The following QSER1 variants were observed in gnomAD, a reference collection of about 807,000 sequenced individuals.
QSER1 encodes glutamine and serine-rich protein 1.
A neutral mutation model predicts 158.5 loss-of-function variants in QSER1; 49 were observed. The observed-to-expected ratio is 0.31, with a 90% CI of 0.25 to 0.39. The LOEUF (loss-of-function observed/expected upper bound fraction) is 0.39, where lower values mean the gene tolerates loss of function less well. QSER1 is among the 10% of genes least tolerant of loss of function. The pLI, the probability that QSER1 is intolerant of heterozygous loss-of-function variation, is 1.00. For synonymous variants in QSER1, 650 were observed against 715.5 expected, an observed-to-expected ratio of 0.91 and a Z score of 1.46; for missense variants, 1,754 against 2,010.3, an observed-to-expected ratio of 0.87 and a Z score of 2.44.
chr11:32,967,170 T>C (rs937679650), intron 9 of QSER1, among the ~76,000 whole-genome samples: 9 of 152,126 alleles, frequency 5.9e-5, no homozygotes, highest in African/African-American at 2.2e-4. Context: ...AAATAATGTC[T>C]TTTGCAGCAA....
At chr11:32,955,921 GAACA>G (rs1321825882) in intron 6 of QSER1, 63 bp from the exon 7 acceptor site, 43 of 1,454,054 alleles carry the variant, frequency 3.0e-5, no homozygotes, top group Admixed American at 8.5e-5. Flanking sequence ...ATAGTCAATT[GAACA>G]AACAAAGTAG....
Position 32,934,912 on chromosome 11 carries a change from T to C in QSER1, c.3654T>C (p.Asn1218=). 6.2e-7 allele frequency: 1 copy of C among 1,613,646 alleles called. No homozygotes were observed. The highest frequency in any genetic ancestry group is 8.5e-7 in the Non-Finnish European group (1 of 1,179,938). The change falls in exon 4 of 13, where the codon AAT becomes AAC. Residue 1218 remains asparagine, a synonymous_variant. Coordinates refer to ENST00000650167, the MANE Select transcript of QSER1 (RefSeq NM_001076786.3). ...AAGTTAAAGAGGAAGACAACAGTAATCAGAAACAGCTGAAAAGACCTGCCC... is the reference window on the plus strand; with the variant it reads ...AAGTTAAAGAGGAAGACAACAGTAACCAGAAACAGCTGAAAAGACCTGCCC... ...KGQVKEEDNS[N]QKQLKRPAQG...
At chr11:32,904,062 C>T (rs561906320) in intron 1 of QSER1, among the ~76,000 whole-genome samples, 4 of 152,208 alleles carry the variant, frequency 2.6e-5, no homozygotes, top group Non-Finnish European at 5.9e-5. Context: ...ATTTCGGCTA[C>T]ATGCTGGGTG....
At chr11:32,976,292 A>G in intron 12 of QSER1, 42 bp from the exon 13 acceptor site, 5 of 1,477,814 alleles carry the variant, frequency 3.4e-6, no homozygotes, top group Non-Finnish European at 4.5e-6. Context: ...CTTAAATATG[A>G]TGTGATAAGT....
intron 1 of QSER1, among the ~76,000 whole-genome samples, chr11:32,916,731 G>A (rs1189920234): frequency 6.6e-6 from 1 of 151,808 alleles, no homozygotes; most frequent in East Asian, 1.9e-4. Flanking sequence ...GGTATTGTAA[G>A]TTGTACATGT....
chr11:32,917,615 CA>C (rs1370418522), intron 1 of QSER1, among the ~76,000 whole-genome samples: 2 of 152,024 alleles, frequency 1.3e-5, no homozygotes, highest in African/African-American at 4.8e-5. Flanking sequence ...CACTTGAGAT[CA>C]GGAGTTCAAG....
At chr11:32,953,632 G>A (rs1264304409) in intron 4 of QSER1, among the ~76,000 whole-genome samples, 1 of 152,188 alleles carries the variant, frequency 6.6e-6, no homozygotes, top group African/African-American at 2.4e-5. Context: ...GGGAGGATAG[G>A]TAGATAGTTG....
chr11:32,950,974 G>C lies in QSER1; in HGVS notation c.4178-2883G>C, dbSNP rs370120858. 7.2e-4 allele frequency among the ~76,000 whole-genome samples: 109 copies of C among 152,194 alleles called. 2 individuals are homozygous for C. The East Asian group carries it at 0.013, about 19-fold the overall frequency. On this transcript the variant is annotated intron_variant, in intron 4 of 12. Transcript: ENST00000650167. ...AACATTCATTTACAGATTTTTGTAT[G>C]GATGTTTATTATCTCTAGGGTACAC...
rs1852997378 is a variant in QSER1, at chr11:32,977,476, C to A, written c.*1002C>A. The A allele has an allele frequency of 6.6e-6, 1 of 152,610 alleles. No homozygotes were observed. The highest frequency in any genetic ancestry group is 2.4e-5 in the African/African-American group (1 of 41,450). 9.5% of individuals were successfully genotyped at this position (152,610 alleles called of 1,614,324 possible). A position where few individuals can be genotyped will look rare whatever the true frequency, so the allele number is the denominator to read the frequency against. On this transcript the variant is annotated 3_prime_UTR_variant, in exon 13 of 13. Transcript: ENST00000650167. The stretch of plus-strand genomic sequence containing the variant: ...TTCATAAAATAAACTTCTTACTAAA[C>A]TAGCACTTGATTAACTTGTTGAGGT...
At position 32,904,757 on chromosome 11, in the gene QSER1, C is replaced by T. The variant is rs149715288; in HGVS notation, c.209+11423C>T. Among the ~76,000 whole-genome samples, 33 of 152,196 alleles carry T rather than the reference C, an allele frequency of 2.2e-4. No homozygotes were observed. The East Asian group carries it at 6.2e-3, about 29-fold the overall frequency. ...GACCACTTTTCCCTGAGATAATCTG[C>T]GTGACTTCCTCATGTTGATCAGTGG... is the stretch of plus-strand genomic sequence containing the variant. On this transcript the variant is annotated intron_variant, in intron 1 of 12. Coordinates refer to ENST00000650167, the MANE Select transcript of QSER1 (RefSeq NM_001076786.3).
intron 6 of QSER1, 60 bp from the exon 7 acceptor site, chr11:32,955,928 C>A (rs964866228): frequency 2.7e-6 from 4 of 1,485,142 alleles, no homozygotes; most frequent in Middle Eastern, 1.8e-4. Context: ...ATTGAACAAA[C>A]AAAGTAGCAT....
At chr11:32,971,312 G>A (rs1417021632) in intron 10 of QSER1, among the ~76,000 whole-genome samples, 1 of 152,130 alleles carries the variant, frequency 6.6e-6, no homozygotes, top group African/African-American at 2.4e-5. Context: ...AGATTTTTCT[G>A]TTCTTTAGAA....
intron 4 of QSER1, among the ~76,000 whole-genome samples, chr11:32,949,441 C>A (rs1213745515): frequency 6.6e-6 from 1 of 152,148 alleles, no homozygotes; most frequent in Non-Finnish European, 1.5e-5. Context: ...GTTGTAAAAT[C>A]TATCTCAATA....
At chr11:32,918,753 T>C (rs1418470870) in intron 1 of QSER1, among the ~76,000 whole-genome samples, 1 of 152,022 alleles carries the variant, frequency 6.6e-6, no homozygotes, top group Non-Finnish European at 1.5e-5. Context: ...CAAGAAGTGA[T>C]TGGAGTTAGC....
At position 32,946,598 on chromosome 11, in the gene QSER1, C is replaced by T. The variant is rs1030156822; in HGVS notation, c.4178-7259C>T. Reference sequence around the variant, plus strand: ...GGCAGTCTGCCCGTTCTCAGATCTCCAGCTGCGTACTGGGAGAACCACTGC... The same window carrying T: ...GGCAGTCTGCCCGTTCTCAGATCTCTAGCTGCGTACTGGGAGAACCACTGC... On this transcript the variant is annotated intron_variant, in intron 4 of 12. Coordinates refer to ENST00000650167, the MANE Select transcript of QSER1 (RefSeq NM_001076786.3). Among the ~76,000 whole-genome samples, 3 of 152,256 alleles carry T rather than the reference C, an allele frequency of 2.0e-5. No individual in the cohort carries two copies. The South Asian group carries it at 6.2e-4, about 31-fold the overall frequency.
Position 32,954,059 on chromosome 11 carries a change from A to C in QSER1, c.4380A>C (p.Gly1460=). The change falls in exon 5 of 13, where the codon GGA becomes GGC. Residue 1460 remains glycine, a synonymous_variant. Coordinates refer to ENST00000650167, the MANE Select transcript of QSER1 (RefSeq NM_001076786.3). ...DGLPSDQFAK[G]QDTVAIEGFT... ...TTCCTTCAGACCAGTTTGCAAAAGGACAGGACACTGTTGCCATAGAAGGTT... is the reference window on the plus strand; with the variant it reads ...TTCCTTCAGACCAGTTTGCAAAAGGCCAGGACACTGTTGCCATAGAAGGTT... 1.2e-6 allele frequency: 2 copies of C among 1,614,204 alleles called. No homozygotes were observed. Among genetic ancestry groups the C allele is most frequent in the Non-Finnish European group, 1.7e-6 (2 of 1,180,028 alleles).
chr11:32,903,436 A>AG (rs780156536), intron 1 of QSER1, among the ~76,000 whole-genome samples: 2 of 150,166 alleles, frequency 1.3e-5, no homozygotes, highest in Non-Finnish European at 3.0e-5. Flanking sequence ...AAGCAGAATT[A>AG]GGCAGAATGG....
chr11:32,901,707 G>A (rs760450349), intron 1 of QSER1, among the ~76,000 whole-genome samples: 3 of 152,204 alleles, frequency 2.0e-5, no homozygotes, highest in Non-Finnish European at 4.4e-5. Flanking sequence ...GCTCACCAGA[G>A]TAACACTGTA....
chr11:32,941,252 C>CT (rs1248050230), intron 4 of QSER1, among the ~76,000 whole-genome samples: 3 of 149,610 alleles, frequency 2.0e-5, no homozygotes, highest in Non-Finnish European at 4.4e-5. Flanking sequence ...AATTATTATA[C>CT]TTTAAGTTTT....
Sources: gnomAD v4.1 joint callset for allele counts (sites outside exome capture counted in the v4.1 genomes callset) on GRCh38, gnomAD v4.1.1 for gene constraint, MANE v1.5 for transcripts, NCBI Gene and HGNC (gene_info 2026-07-23, HGNC 2026-07-21) for gene names.